AGBL1: variants seen among roughly 807,000 people sequenced by gnomAD.
The protein encoded by AGBL1 is AGBL carboxypeptidase 1.
Under a neutral mutation model 118.9 loss-of-function variants are expected in AGBL1, and 130 were observed. That is an observed-to-expected ratio of 1.09 (90% CI 0.95 to 1.26). The LOEUF is 1.26. Ranked by LOEUF, AGBL1 falls within the 50% of genes most tolerant of loss-of-function variation. The pLI is 0.00. For synonymous variants in AGBL1, 555 were observed against 478.9 expected (o/e 1.16, Z -2.08); for missense variants, 1,584 against 1,298.1 (o/e 1.22, Z -3.38).
intron 23 of AGBL1, among the ~76,000 whole-genome samples, chr15:86,942,755 G>C (rs1445047179): frequency 6.6e-6 from 1 of 152,130 alleles, no homozygotes; most frequent in Admixed American, 6.5e-5. Context: ...TTCTAACCCT[G>C]CAAGGACCCA....
chr15:86,110,285 A>G (rs983574504), intron 1 of AGBL1, among the ~76,000 whole-genome samples: 1 of 152,246 alleles, frequency 6.6e-6, no homozygotes, highest in African/African-American at 2.4e-5. Context: ...CTTAAATTCT[A>G]GTAGCCTATT....
chr15:86,386,508 C>T (rs946473316), intron 17 of AGBL1, among the ~76,000 whole-genome samples: 1 of 151,072 alleles, frequency 6.6e-6, no homozygotes, highest in African/African-American at 2.4e-5. Context: ...CAAATGAGAT[C>T]GTGGTATTTG....
intron 24 of AGBL1, among the ~76,000 whole-genome samples, chr15:87,003,740 T>C (rs2081466558): frequency 6.6e-6 from 1 of 152,218 alleles, no homozygotes; most frequent in African/African-American, 2.4e-5. Context: ...ATCCATTTCT[T>C]CTAGATTTTC....
At chr15:86,112,336 A>G (rs931562595) in intron 1 of AGBL1, among the ~76,000 whole-genome samples, 1 of 152,172 alleles carries the variant, frequency 6.6e-6, no homozygotes, top group Non-Finnish European at 1.5e-5. Flanking sequence ...CTTTGCATTT[A>G]TCCGTTTATA....
At chr15:86,964,416 G>A (rs930628863) in intron 23 of AGBL1, among the ~76,000 whole-genome samples, 3 of 151,820 alleles carry the variant, frequency 2.0e-5, no homozygotes, top group African/African-American at 7.3e-5. Flanking sequence ...CCCCCACTGT[G>A]ATAACAAAAA....
chr15:86,810,785 A>G (rs1050730202), intron 22 of AGBL1, among the ~76,000 whole-genome samples: 1 of 152,100 alleles, frequency 6.6e-6, no homozygotes, highest in African/African-American at 2.4e-5. Context: ...AACATCCATA[A>G]GCTCAACAAG....
chr15:86,951,185 T>C (rs2080877390), intron 23 of AGBL1, among the ~76,000 whole-genome samples: 1 of 152,326 alleles, frequency 6.6e-6, no homozygotes, highest in African/African-American at 2.4e-5. Context: ...TGCCTCATTG[T>C]ACTCCTGGAC....
At chr15:86,499,567 A>C (rs1033112436) in intron 18 of AGBL1, among the ~76,000 whole-genome samples, 13 of 151,876 alleles carry the variant, frequency 8.6e-5, no homozygotes, top group Admixed American at 1.3e-4. Flanking sequence ...TTCAGTCTGA[A>C]AGGAGGATTG....
intron 22 of AGBL1, among the ~76,000 whole-genome samples, chr15:86,893,319 C>T (rs1024445637): frequency 2.0e-5 from 3 of 152,102 alleles, no homozygotes; most frequent in African/African-American, 7.2e-5. Context: ...TGAGCATTAC[C>T]TCAGCATTTA....
chr15:86,543,270 T>C (rs2083530073), intron 19 of AGBL1, among the ~76,000 whole-genome samples: 1 of 152,224 alleles, frequency 6.6e-6, no homozygotes, highest in Non-Finnish European at 1.5e-5. Context: ...TCCTCTCTAC[T>C]ACAAGGACCT....
At chr15:86,194,853 CAA>C (rs1333320204) in intron 5 of AGBL1, among the ~76,000 whole-genome samples, 1 of 152,128 alleles carries the variant, frequency 6.6e-6, no homozygotes, top group Non-Finnish European at 1.5e-5. Context: ...AGGTCTTAGG[CAA>C]AAGACATATG....
intron 22 of AGBL1, among the ~76,000 whole-genome samples, chr15:86,748,412 T>C (rs2141248599): frequency 6.6e-6 from 1 of 151,842 alleles, no homozygotes; most frequent in South Asian, 2.1e-4. Context: ...TTGCAAAACT[T>C]TTCTCCCATT....
intron 18 of AGBL1, among the ~76,000 whole-genome samples, chr15:86,441,850 C>T (rs2082068260): frequency 1.3e-5 from 2 of 152,302 alleles, no homozygotes; most frequent in South Asian, 2.1e-4. Context: ...AGCCCAGCAG[C>T]CTGGTGTCCA....
Position 86,800,186 on chromosome 15 carries a change from C to G in AGBL1, c.3159-106901C>G, listed in dbSNP as rs543050201. Reference sequence around the variant, plus strand: ...TTTGATAGGATATTATTTTTTTTGTCGTAGATCCTGGCAATTAACCAACAC... The same window carrying G: ...TTTGATAGGATATTATTTTTTTTGTGGTAGATCCTGGCAATTAACCAACAC... On this transcript the variant is annotated intron_variant, in intron 22 of 22. Transcript: ENST00000614907. Among the ~76,000 whole-genome samples, 9 of 151,848 alleles carry G rather than the reference C, an allele frequency of 5.9e-5. No individual in the cohort carries two copies. In the East Asian group the frequency reaches 1.7e-3, roughly 30 times the overall value.
At chr15:86,214,417 A>T (rs1485926722) in intron 5 of AGBL1, among the ~76,000 whole-genome samples, 1 of 152,202 alleles carries the variant, frequency 6.6e-6, no homozygotes, top group African/African-American at 2.4e-5. Flanking sequence ...TATATGCTTA[A>T]TTATATTATT....
chr15:86,435,988 T>C (rs2081995873), intron 18 of AGBL1, among the ~76,000 whole-genome samples: 1 of 152,170 alleles, frequency 6.6e-6, no homozygotes, highest in Non-Finnish European at 1.5e-5. Context: ...CAGTGGTTCA[T>C]TAGTCCAAGG....
chr15:86,833,819 G>A (rs932305441), intron 22 of AGBL1, among the ~76,000 whole-genome samples: 6 of 152,094 alleles, frequency 3.9e-5, no homozygotes, highest in African/African-American at 1.4e-4. Flanking sequence ...CATGGGTCCA[G>A]AAATCAGTGT....
intron 22 of AGBL1, among the ~76,000 whole-genome samples, chr15:86,709,965 G>C (rs1293644931): frequency 6.6e-6 from 1 of 152,094 alleles, no homozygotes; most frequent in Non-Finnish European, 1.5e-5. Flanking sequence ...TATGTTTATT[G>C]CTGCCCCAAC....
chr15:87,019,660 T>C (rs28771130), intron 24 of AGBL1, among the ~76,000 whole-genome samples: 11,276 of 151,754 alleles, frequency 0.074, 1,416 homozygotes, highest in African/African-American at 0.26. Flanking sequence ...AATGCCCACA[T>C]TAAAAAACTA....
Sources: allele counts gnomAD v4.1 joint callset (sites outside exome capture counted in the v4.1 genomes callset), GRCh38; gene constraint gnomAD v4.1.1; transcripts MANE v1.5; gene names NCBI Gene and HGNC (gene_info 2026-07-23, HGNC 2026-07-21).